ZRANB3: variants seen among roughly 807,000 people sequenced by gnomAD.
ZRANB3 encodes DNA annealing helicase and endonuclease ZRANB3.
In ZRANB3, 125 loss-of-function variants were observed where a neutral mutation model predicts 133.8. That is an observed-to-expected ratio of 0.93 (90% CI 0.81 to 1.08). The LOEUF (loss-of-function observed/expected upper bound fraction) is 1.08. ZRANB3 is among the 50% of genes least tolerant of loss of function. The probability of loss-of-function intolerance (pLI) is 0.00; values close to 1 mark genes in which losing one functional copy is unlikely to be tolerated. For missense variants in ZRANB3, 1,229 were observed against 1,275.5 expected, an observed-to-expected ratio of 0.96 and a Z score of 0.56; for synonymous variants, 387 against 432.7, an observed-to-expected ratio of 0.89 and a Z score of 1.31.
intron 2 of ZRANB3, among the ~76,000 whole-genome samples, chr2:135,494,318 AAAAAAG>A (rs1441731224): frequency 1.3e-5 from 2 of 151,410 alleles, no homozygotes; most frequent in East Asian, 3.9e-4. Flanking sequence ...AAAAAAAAAA[AAAAAAG>A]AAAAGAAAAA....
chr2:135,229,444 T>C (rs1325305242), intron 13 of ZRANB3, among the ~76,000 whole-genome samples: 1 of 150,666 alleles, frequency 6.6e-6, no homozygotes, highest in Non-Finnish European at 1.5e-5. Flanking sequence ...CTCGGCTCAC[T>C]GCAAGCTCCG....
intron 17 of ZRANB3, among the ~76,000 whole-genome samples, chr2:135,212,796 A>C (rs190471566): frequency 2.3e-3 from 343 of 152,336 alleles, no homozygotes; most frequent in African/African-American, 6.0e-3. Context: ...AAAGTGGCCC[A>C]CATCAATGAA....
At chr2:135,291,579 T>C (rs1466780923) in intron 8 of ZRANB3, among the ~76,000 whole-genome samples, 2 of 150,866 alleles carry the variant, frequency 1.3e-5, no homozygotes, top group East Asian at 1.9e-4. Flanking sequence ...TTTATTTTTA[T>C]TTTATTTTAT....
At chr2:135,425,338 G>T (rs1558991240) in intron 2 of ZRANB3, among the ~76,000 whole-genome samples, 1 of 152,172 alleles carries the variant, frequency 6.6e-6, no homozygotes, top group Non-Finnish European at 1.5e-5. Flanking sequence ...AGATAAAAAT[G>T]ATAGAATACT....
chr2:135,222,716 AT>A (rs915175799), intron 15 of ZRANB3, among the ~76,000 whole-genome samples: 2 of 151,894 alleles, frequency 1.3e-5, no homozygotes, highest in South Asian at 2.1e-4. Flanking sequence ...CTCACTAAAT[AT>A]TTTTTTGACT....
intron 3 of ZRANB3, among the ~76,000 whole-genome samples, chr2:135,361,398 T>G (rs1482592104): frequency 1.3e-5 from 2 of 152,194 alleles, no homozygotes; most frequent in South Asian, 2.1e-4. Context: ...AAATCACCAT[T>G]TTACTTAGGA....
At chr2:135,414,778 C>T (rs1207068949) in intron 2 of ZRANB3, among the ~76,000 whole-genome samples, 1 of 152,072 alleles carries the variant, frequency 6.6e-6, no homozygotes, top group African/African-American at 2.4e-5. Context: ...TGCAATCAAA[C>T]TAGAACTCAG....
Position 135,313,579 on chromosome 2 carries a change from C to G in ZRANB3, c.876G>C (p.Trp292Cys), listed in dbSNP as rs369979682. 6 of 1,613,212 alleles carry G rather than the reference C, an allele frequency of 3.7e-6. No individual in the cohort carries two copies. The African/African-American group carries it at 8.0e-5, about 22-fold the overall frequency. ...AATTTGGAGTTCTCATTATTTTTTCCCACTCTTCAAAGCTGGTATTCAATT... is the reference window on the plus strand; with the variant it reads ...AATTTGGAGTTCTCATTATTTTTTCGCACTCTTCAAAGCTGGTATTCAATT... The part of the protein sequence containing the change: ...AKELNTSFEE[W>C]EKIMRTPNSG... Residue 292 changes from tryptophan (W) to cysteine (C), a missense_variant, in exon 8 of 21, where the codon TGG becomes TGC. Physicochemically the swap from Trp to Cys is radical, Grantham distance 215. Transcript: ENST00000264159.
At chr2:135,289,197 A>T (rs1164243387) in intron 8 of ZRANB3, among the ~76,000 whole-genome samples, 3 of 152,158 alleles carry the variant, frequency 2.0e-5, no homozygotes, top group African/African-American at 7.2e-5. Context: ...GTGATCATTC[A>T]GGAACAGACT....
rs562178823 is a variant in ZRANB3, at chr2:135,292,366, A to G, written c.967-16611T>C. ...GGCCAGTGATGATGAGCATTTTTTC[A>G]TGTGTCTTTTGGCTGCATAAATGTC... On this transcript the variant is annotated intron_variant, in intron 8 of 20. Transcript: ENST00000264159. Among the ~76,000 whole-genome samples, 1,489 of 150,604 alleles carry G rather than the reference A, an allele frequency of 9.9e-3. 23 individuals are homozygous for G. The highest frequency in any genetic ancestry group is 0.035 in the African/African-American group (1,420 of 40,610).
chr2:135,510,625 C>T, intron 1 of ZRANB3: 1 of 778,912 alleles, frequency 1.3e-6, no homozygotes, highest in Non-Finnish European at 2.3e-6. Context: ...GCCTCTCATT[C>T]CACCACCCAG....
At chr2:135,254,125 A>G (rs908559030) in intron 12 of ZRANB3, among the ~76,000 whole-genome samples, 1 of 150,424 alleles carries the variant, frequency 6.6e-6, no homozygotes, top group Non-Finnish European at 1.5e-5. Flanking sequence ...TCTCAGAACA[A>G]TTAATATTTG....
chr2:135,224,227 G>A (rs1180568055), intron 15 of ZRANB3, among the ~76,000 whole-genome samples, 199 bp downstream of exon 15: 1 of 152,162 alleles, frequency 6.6e-6, no homozygotes, highest in Non-Finnish European at 1.5e-5. Context: ...AAGCAGTCTA[G>A]CCCTGAAGTC....
At chr2:135,294,293 G>A (rs1399904795) in intron 8 of ZRANB3, among the ~76,000 whole-genome samples, 13 of 152,280 alleles carry the variant, frequency 8.5e-5, no homozygotes, top group Middle Eastern at 3.4e-3. Flanking sequence ...GGTCTATTCA[G>A]GGATTCAACT....
intron 6 of ZRANB3, 113 bp from the exon 7 acceptor site, chr2:135,315,643 G>T: frequency 1.3e-6 from 1 of 765,706 alleles, no homozygotes; most frequent in Non-Finnish European, 1.9e-6. Flanking sequence ...TGTTTTCATT[G>T]ATATTTCTGA....
intron 2 of ZRANB3, among the ~76,000 whole-genome samples, chr2:135,442,790 C>T (rs1332333199): frequency 1.3e-5 from 2 of 152,104 alleles, no homozygotes; most frequent in African/African-American, 4.8e-5. Context: ...AGTCTTGGAA[C>T]CAACCCAAAT....
intron 8 of ZRANB3, among the ~76,000 whole-genome samples, chr2:135,302,958 G>C (rs1332615066): frequency 6.6e-6 from 1 of 152,142 alleles, no homozygotes; most frequent in Non-Finnish European, 1.5e-5. Flanking sequence ...CAAAAAACAA[G>C]AGAGTTATTA....
chr2:135,384,429 G>A (rs1476023170), intron 3 of ZRANB3, among the ~76,000 whole-genome samples: 1 of 152,128 alleles, frequency 6.6e-6, no homozygotes, highest in African/African-American at 2.4e-5. Flanking sequence ...TGAGGAGCTG[G>A]TACCATTCCT....
chr2:135,491,714 A>G (rs538313255), intron 2 of ZRANB3, among the ~76,000 whole-genome samples: 59 of 151,962 alleles, frequency 3.9e-4, no homozygotes, highest in Middle Eastern at 3.4e-3. Context: ...ATGGGGTTTC[A>G]CTGTGTTAGC....
Sources: allele counts gnomAD v4.1 joint callset (sites outside exome capture counted in the v4.1 genomes callset), GRCh38; gene constraint gnomAD v4.1.1; transcripts MANE v1.5; gene names NCBI Gene and HGNC (gene_info 2026-07-23, HGNC 2026-07-21).